Variants in PPP1CA observed in about 807,000 individuals in gnomAD.
The protein encoded by PPP1CA is serine/threonine-protein phosphatase PP1-alpha catalytic subunit.
Under a neutral mutation model 38.5 loss-of-function variants are expected in PPP1CA, and 14 were observed. The observed-to-expected ratio is 0.36, with a 90% CI of 0.24 to 0.57. The LOEUF is 0.57. PPP1CA is among the 20% of genes least tolerant of loss of function. The pLI is 0.80. For missense variants in PPP1CA, 277 were observed against 435.2 expected, an observed-to-expected ratio of 0.64 and a Z score of 3.23; for synonymous variants, 200 against 177.3, an observed-to-expected ratio of 1.13 and a Z score of -1.02.
Position 67,399,173 on chromosome 11 carries a change from CG to C in PPP1CA, c.524-11del, listed in dbSNP as rs1177391014. ...AGGTCCGGGGACAGGCCTGGGGGGCCGGGGGAAGGTCACTTCCTCAAACAAG... is the reference window on the plus strand; with the variant it reads ...AGGTCCGGGGACAGGCCTGGGGGGCCGGGGAAGGTCACTTCCTCAAACAAG... On this transcript the variant is annotated splice_polypyrimidine_tract_variant and intron_variant, in intron 4 of 6. Transcript: ENST00000376745. The C allele has an allele frequency of 1.9e-6, 3 of 1,608,690 alleles. No individual in the cohort carries two copies. The highest frequency in any genetic ancestry group is 2.7e-5 in the African/African-American group (2 of 74,830).
chr11:67,401,803 C>G lies in PPP1CA; in HGVS notation c.-21G>C. ...GACATGGCGGCGCCGCCGCTCCAGC[C>G]CAGCAGCTCCTGGCCCGCTCCTGCC... On this transcript the variant is annotated 5_prime_UTR_variant, in exon 1 of 7. Transcript: ENST00000376745. 1.4e-6 allele frequency: 2 copies of G among 1,460,724 alleles called. No individual in the cohort carries two copies. Among genetic ancestry groups the G allele is most frequent in the Non-Finnish European group, 1.8e-6 (2 of 1,096,770 alleles). The allele number at this position is 1,460,724 out of a possible 1,614,324, so 90.5% of individuals were successfully genotyped here.
In PPP1CA at chr11:67,401,149, G is replaced by C. The variant is rs1198051383; in HGVS notation, c.106C>G (p.Arg36Gly). 1 of 1,613,994 alleles carries C rather than the reference G, an allele frequency of 6.2e-7. No individual in the cohort carries two copies. The highest frequency in any genetic ancestry group is 2.2e-5 in the East Asian group (1 of 44,886). Residue 36 changes from arginine to glycine, a missense_variant, in exon 2 of 7, where the codon CGC becomes GGC. Physicochemically the swap from Arg to Gly is moderately radical, Grantham distance 125 (BLOSUM62 -2). Around this residue, in one of 3 missense-constraint regions of PPP1CA, gnomAD observed 180 missense variants for 356.7 expected, o/e 0.50. Transcript: ENST00000376745. Reference sequence around the variant, plus strand: ...TCCCGGGATTTCAGGCACAGACCGCGGATCTCGTTCTCTGTCAGCTGTACA... The same window carrying C: ...TCCCGGGATTTCAGGCACAGACCGCCGATCTCGTTCTCTGTCAGCTGTACA... ...KNVQLTENEIRGLCLKSREIF... is the reference protein window; with the variant it reads ...KNVQLTENEIGGLCLKSREIF...
chr11:67,400,547 C>A (rs944748712), intron 3 of PPP1CA, 142 bp downstream of exon 3: 1 of 817,986 alleles, frequency 1.2e-6, no homozygotes, highest in Admixed American at 2.2e-5. Context: ...AGGGCAGGCA[C>A]GAGAACGGAC....
At chr11:67,401,650 G>T in intron 1 of PPP1CA, 78 bp downstream of exon 1, 10 of 1,198,408 alleles carry the variant, frequency 8.3e-6, no homozygotes, top group Non-Finnish European at 1.1e-5. Flanking sequence ...TGGCCCCGGG[G>T]GCCCGCCCGC....
Position 67,400,795 on chromosome 11 carries a change from G to A in PPP1CA, c.312C>T (p.Ile104=). Residue 104 remains isoleucine (I), a synonymous_variant, in exon 3 of 7, where the codon ATC becomes ATT. Coordinates refer to ENST00000376745, the MANE Select transcript of PPP1CA (RefSeq NM_002708.4). ...TGATCTTATAGGCCAGCAGCAGGCA[G>A]ATGGTCTCCAAGGACTGCTTGCCCC... ...VDRGKQSLET[I]CLLLAYKIKY... 1 of 1,614,158 alleles carries A rather than the reference G, an allele frequency of 6.2e-7. No homozygotes were observed. Among genetic ancestry groups the A allele is most frequent in the Non-Finnish European group, 8.5e-7 (1 of 1,180,030 alleles).
At chr11:67,399,292 G>A (rs1261860624) in intron 4 of PPP1CA, 129 bp from the exon 5 acceptor site, 2 of 883,302 alleles carry the variant, frequency 2.3e-6, no homozygotes, top group Admixed American at 4.6e-5. Context: ...GCCTAGACAG[G>A]CAGAAGTCAT....
chr11:67,399,549 C>A lies in PPP1CA; in HGVS notation c.523+12G>T, dbSNP rs370795737. On this transcript the variant is annotated intron_variant, in intron 4 of 6. Coordinates refer to ENST00000376745, the MANE Select transcript of PPP1CA (RefSeq NM_002708.4). Reference sequence around the variant, plus strand: ...GCCAGTGCTCCTCCTCCCCAGCCATCCCCTCCCTCACCTCCGTGGCAGCAG... The same window carrying A: ...GCCAGTGCTCCTCCTCCCCAGCCATACCCTCCCTCACCTCCGTGGCAGCAG... 9.3e-5 allele frequency: 150 copies of A among 1,612,824 alleles called. No individual in the cohort carries two copies. The African/African-American group carries it at 1.7e-3, about 19-fold the overall frequency.
At position 67,401,198 on chromosome 11, in the gene PPP1CA, C is replaced by T. The variant is rs1862881110; in HGVS notation, c.57G>A (p.Val19=). ...CATTCTTGCCAGGCCGCGAGCCCTGCACTGGGGCGCAATGGGGTGTCAGGA... is the reference window on the plus strand; with the variant it reads ...CATTCTTGCCAGGCCGCGAGCCCTGTACTGGGGCGCAATGGGGTGTCAGGA... ...LDSIIGRLLE[V]QGSRPGKNVQ... The change falls in exon 2 of 7, where the codon GTG becomes GTA. Residue 19 remains valine, a splice_region_variant and synonymous_variant. Transcript: ENST00000376745. 1.2e-6 allele frequency: 2 copies of T among 1,613,784 alleles called. No individual in the cohort carries two copies. Among genetic ancestry groups the T allele is most frequent in the Non-Finnish European group, 1.7e-6 (2 of 1,179,964 alleles).
chr11:67,399,776 C>T (rs575012342), intron 3 of PPP1CA, 111 bp from the exon 4 acceptor site: 106 of 756,684 alleles, frequency 1.4e-4, no homozygotes, highest in South Asian at 2.5e-4. Flanking sequence ...ATGCAAACCA[C>T]CCCCCACCCC....
intron 3 of PPP1CA, 128 bp from the exon 4 acceptor site, chr11:67,399,793 C>T: frequency 1.4e-6 from 1 of 691,052 alleles, no homozygotes; most frequent in Admixed American, 2.5e-5. Context: ...CCCCTGCCAC[C>T]TGTCAGCCTT....
chr11:67,398,469 C>G lies in PPP1CA; in HGVS notation c.*66G>C, dbSNP rs573309555. The stretch of plus-strand genomic sequence containing the variant: ...CCTGAGGGGTCGGGGTGACCCCCCC[C>G]CAGCATGGCAGCATGATTTCTGTAC... On this transcript the variant is annotated 3_prime_UTR_variant, in exon 7 of 7. Transcript: ENST00000376745. 1.2e-4 allele frequency: 188 copies of G among 1,525,042 alleles called. 1 individual carries two copies. Among genetic ancestry groups the G allele is most frequent in the South Asian group, 1.2e-3 (102 of 84,614 alleles). 94.5% of individuals were successfully genotyped at this position (1,525,042 alleles called of 1,614,324 possible).
rs943825563 is a variant in PPP1CA at position 67,401,757 on chromosome 11, A to G, written c.26T>C (p.Leu9Pro). 1 of 1,475,076 alleles carries G rather than the reference A, an allele frequency of 6.8e-7. No individual in the cohort carries two copies. The allele number at this position is 1,475,076 out of a possible 1,614,324, so 91.4% of individuals were successfully genotyped here. A position where few individuals can be genotyped will look rare whatever the true frequency, so the allele number is the denominator to read the frequency against. The part of the protein sequence containing the change: MSDSEKLN[L>P]DSIIGRLLEV... ...CAGCAGGCGCCCGATGATCGAGTCC[A>G]GGTTGAGCTTCTCGCTGTCGGACAT... Residue 9 changes from leucine (L) to proline (P), a missense_variant, in exon 1 of 7, where the codon CTG (leucine) becomes CCG (proline). By Grantham distance (98) the Leu-to-Pro change is moderately conservative. Transcript: ENST00000376745.
chr11:67,400,587 C>CTT, intron 3 of PPP1CA, 102 bp downstream of exon 3: 1 of 1,182,486 alleles, frequency 8.5e-7, no homozygotes, highest in Non-Finnish European at 1.2e-6. Flanking sequence ...AGCGCACAGT[C>CTT]TATCAAGTGT....
chr11:67,401,676 C>A, intron 1 of PPP1CA, 52 bp downstream of exon 1: 3 of 1,294,490 alleles, frequency 2.3e-6, no homozygotes, highest in South Asian at 4.6e-5. Context: ...ACTTCCGGGC[C>A]GGGCAGGGGG....
chr11:67,401,266 C>A, intron 1 of PPP1CA, 67 bp from the exon 2 acceptor site: 1 of 1,601,736 alleles, frequency 6.2e-7, no homozygotes, highest in Non-Finnish European at 8.5e-7. Context: ...ACGGGTGGCC[C>A]CATGGATACC....
At chr11:67,399,532 T>G in intron 4 of PPP1CA, 29 bp downstream of exon 4, 1 of 1,594,228 alleles carries the variant, frequency 6.3e-7, no homozygotes, top group Non-Finnish European at 8.6e-7. Flanking sequence ...CGGCCAGTGC[T>G]CCTCCTCCCC....
chr11:67,398,696 G>C, intron 6 of PPP1CA, 26 bp downstream of exon 6: 1 of 1,613,226 alleles, frequency 6.2e-7, no homozygotes, highest in Non-Finnish European at 8.5e-7. Context: ...ACAGGGCCTA[G>C]CGGCTCCTTT....
rs1419618169 is a variant in PPP1CA, at chr11:67,399,176, G to A, written c.524-13C>T. On this transcript the variant is annotated splice_polypyrimidine_tract_variant and intron_variant, in intron 4 of 6. Coordinates refer to ENST00000376745, the MANE Select transcript of PPP1CA (RefSeq NM_002708.4). Reference sequence around the variant, plus strand: ...TCCGGGGACAGGCCTGGGGGGCCGGGGGAAGGTCACTTCCTCAAACAAGGA... The same window carrying A: ...TCCGGGGACAGGCCTGGGGGGCCGGAGGAAGGTCACTTCCTCAAACAAGGA... The A allele has an allele frequency of 1.2e-6, 2 of 1,607,920 alleles. No homozygotes were observed. The highest frequency in any genetic ancestry group is 1.7e-5 in the Admixed American group (1 of 59,966).
chr11:67,401,606 G>C (rs1313427741), intron 1 of PPP1CA, 122 bp downstream of exon 1: 13 of 925,454 alleles, frequency 1.4e-5, no homozygotes, highest in South Asian at 4.4e-5. Flanking sequence ...CTGCGGCCAC[G>C]GAACCTCGCT....
Sources: allele counts gnomAD v4.1 joint callset, GRCh38; gene constraint gnomAD v4.1.1; regional missense constraint gnomAD v4.1.1; transcripts MANE v1.5; gene names NCBI Gene and HGNC (gene_info 2026-07-23, HGNC 2026-07-21).